Variants in CHST9 observed in about 807,000 individuals in gnomAD.
The protein encoded by CHST9 is GalNAc-4-sulfotransferase 2.
A neutral mutation model predicts 44.4 loss-of-function variants in CHST9; 41 were observed. That is an observed-to-expected ratio of 0.92 (90% CI 0.72 to 1.20). The LOEUF (loss-of-function observed/expected upper bound fraction) is 1.20. Ranked by LOEUF, CHST9 falls within the 50% of genes most tolerant of loss-of-function variation. The probability of loss-of-function intolerance (pLI) is 0.00; values close to 1 mark genes in which losing one functional copy is unlikely to be tolerated. For synonymous variants in CHST9, 171 were observed against 178.4 expected (o/e 0.96, Z 0.33); for missense variants, 504 against 516.5 (o/e 0.98, Z 0.23).
intron 2 of CHST9, among the ~76,000 whole-genome samples, chr18:27,098,137 G>A (rs1470221264): frequency 1.3e-5 from 2 of 151,950 alleles, no homozygotes; most frequent in Non-Finnish European, 2.9e-5. Context: ...CCATCAAAAA[G>A]TGGGTGAAGG....
At chr18:26,984,536 AT>A (rs2056731168) in intron 4 of CHST9, among the ~76,000 whole-genome samples, 2 of 152,070 alleles carry the variant, frequency 1.3e-5, no homozygotes, top group African/African-American at 2.4e-5. Flanking sequence ...AAAATTAAGA[AT>A]TTTTTTATTA....
chr18:27,012,951 G>A (rs866947962), intron 4 of CHST9, among the ~76,000 whole-genome samples: 1 of 152,016 alleles, frequency 6.6e-6, no homozygotes, highest in Non-Finnish European at 1.5e-5. Flanking sequence ...TACATACTGT[G>A]GCCTAACAGT....
intron 2 of CHST9, among the ~76,000 whole-genome samples, chr18:27,117,325 C>T (rs553670086): frequency 1.3e-5 from 2 of 152,018 alleles, no homozygotes; most frequent in Non-Finnish European, 2.9e-5. Context: ...ATACCCCCTG[C>T]CCCACACAAG....
chr18:27,112,080 A>G (rs2058275644), intron 2 of CHST9, among the ~76,000 whole-genome samples: 2 of 148,970 alleles, frequency 1.3e-5, no homozygotes, highest in African/African-American at 4.9e-5. Context: ...ATATTTTTAT[A>G]TATTTACATA....
intron 2 of CHST9, among the ~76,000 whole-genome samples, chr18:27,095,807 A>G (rs987632318): frequency 1.3e-5 from 2 of 152,144 alleles, no homozygotes; most frequent in Non-Finnish European, 2.9e-5. Context: ...TAGTTCTCCA[A>G]AAAGACTTGA....
intron 3 of CHST9, among the ~76,000 whole-genome samples, chr18:27,027,239 G>A (rs72880550): frequency 0.022 from 3,303 of 152,288 alleles, 61 homozygotes; most frequent in Middle Eastern, 0.11. Context: ...ATAGGAAAAG[G>A]TTAGAGAGCT....
chr18:27,026,960 G>A (rs2057291138), intron 3 of CHST9, among the ~76,000 whole-genome samples: 1 of 152,130 alleles, frequency 6.6e-6, no homozygotes, highest in African/African-American at 2.4e-5. Context: ...TTTACCTCTT[G>A]AAACTTGGCA....
chr18:27,006,994 C>A (rs568652444), intron 4 of CHST9, among the ~76,000 whole-genome samples: 1 of 151,990 alleles, frequency 6.6e-6, no homozygotes, highest in Non-Finnish European at 1.5e-5. Context: ...TGTGTGTGTG[C>A]GTGTATATGC....
At chr18:26,966,062 T>A (rs936406174) in intron 4 of CHST9, among the ~76,000 whole-genome samples, 1 of 152,270 alleles carries the variant, frequency 6.6e-6, no homozygotes, top group South Asian at 2.1e-4. Flanking sequence ...ATGCTGCTTT[T>A]AATTTTCCCA....
At chr18:27,141,753 A>G (rs4989087) in intron 2 of CHST9, among the ~76,000 whole-genome samples, 42 of 132,552 alleles carry the variant, frequency 3.2e-4, no homozygotes, top group Non-Finnish European at 6.4e-4. Flanking sequence ...AAAAAAAAAA[A>G]AAAAAAAGAA....
chr18:26,989,295 A>G lies in CHST9; in HGVS notation c.202+34821T>C, dbSNP rs143619686. ...ATTTGAACAGGCACTTCACCAAGGAAGATATAGGGATGGCAAATAAGCATA... is the reference window on the plus strand; with the variant it reads ...ATTTGAACAGGCACTTCACCAAGGAGGATATAGGGATGGCAAATAAGCATA... On this transcript the variant is annotated intron_variant, in intron 4 of 5. Coordinates refer to ENST00000618847, the MANE Select transcript of CHST9 (RefSeq NM_031422.6). 3.9e-5 allele frequency among the ~76,000 whole-genome samples: 6 copies of G among 152,346 alleles called. No individual in the cohort carries two copies. In the South Asian group the frequency reaches 1.2e-3, roughly 32 times the overall value.
chr18:27,061,107 G>C (rs1366959345), intron 2 of CHST9, among the ~76,000 whole-genome samples: 2 of 152,122 alleles, frequency 1.3e-5, no homozygotes, highest in Non-Finnish European at 2.9e-5. Context: ...GTGGCCACAA[G>C]CAGATCATCT....
chr18:27,001,611 G>C (rs2079738962), intron 4 of CHST9, among the ~76,000 whole-genome samples: 1 of 146,554 alleles, frequency 6.8e-6, no homozygotes, highest in African/African-American at 2.5e-5. Flanking sequence ...ATGGGGCTTG[G>C]AGTAAAGGCA....
chr18:27,049,635 C>T (rs1191210817), intron 2 of CHST9, among the ~76,000 whole-genome samples: 1 of 152,118 alleles, frequency 6.6e-6, no homozygotes, highest in Non-Finnish European at 1.5e-5. Flanking sequence ...CTTAAATGAA[C>T]TTTTGACCAA....
At chr18:27,022,772 G>T (rs1237102367) in intron 4 of CHST9, among the ~76,000 whole-genome samples, 6 of 152,174 alleles carry the variant, frequency 3.9e-5, no homozygotes, top group African/African-American at 1.2e-4. Flanking sequence ...CTTCCTGTTA[G>T]ATTTAACAGT....
chr18:26,959,642 A>G (rs1224868362), intron 4 of CHST9, among the ~76,000 whole-genome samples: 1 of 152,188 alleles, frequency 6.6e-6, no homozygotes, highest in African/African-American at 2.4e-5. Flanking sequence ...ACATCAGGGA[A>G]TGTCTAAGGA....
chr18:27,000,650 A>C (rs1175649834), intron 4 of CHST9, among the ~76,000 whole-genome samples: 1 of 150,782 alleles, frequency 6.6e-6, no homozygotes, highest in Non-Finnish European at 1.5e-5. Flanking sequence ...CTATCTATCT[A>C]TCTATCTCTC....
intron 4 of CHST9, among the ~76,000 whole-genome samples, chr18:26,957,167 G>C (rs530029172): frequency 6.6e-6 from 1 of 152,164 alleles, no homozygotes; most frequent in Non-Finnish European, 1.5e-5. Context: ...AACCAACCCA[G>C]TGCAAACTGA....
chr18:27,045,046 GA>G (rs767297866), intron 3 of CHST9, among the ~76,000 whole-genome samples: 1,642 of 100,832 alleles, frequency 0.016, 23 homozygotes, highest in African/African-American at 0.049. Context: ...TTTGAGTTGA[GA>G]AAAAAAAAAA....
Sources: allele counts gnomAD v4.1 joint callset (sites outside exome capture counted in the v4.1 genomes callset), GRCh38; gene constraint gnomAD v4.1.1; transcripts MANE v1.5; gene names NCBI Gene and HGNC (gene_info 2026-07-23, HGNC 2026-07-21).